The following RABGAP1L variants were observed in gnomAD, a reference collection of about 807,000 sequenced individuals.
RABGAP1L encodes rab GTPase-activating protein 1-like.
RABGAP1L carries 63 observed loss-of-function variants against 137.7 expected under a neutral mutation model. That is an observed-to-expected ratio of 0.46 (90% confidence interval 0.37 to 0.56). The LOEUF (loss-of-function observed/expected upper bound fraction) is 0.56, where lower values mean the gene tolerates loss of function less well. Ranked by LOEUF, RABGAP1L falls within the 20% of genes least tolerant of loss-of-function variation. The pLI, the probability that RABGAP1L is intolerant of heterozygous loss-of-function variation, is 0.00. For missense variants in RABGAP1L, 1,095 were observed against 1,244.0 expected, an observed-to-expected ratio of 0.88 and a Z score of 1.80; for synonymous variants, 431 against 433.7, an observed-to-expected ratio of 0.99 and a Z score of 0.08.
At chr1:174,799,860 A>G (rs1274942237) in intron 18 of RABGAP1L, 2 of 987,636 alleles carry the variant, frequency 2.0e-6, no homozygotes, top group South Asian at 4.5e-5. Context: ...CAGCTTCACA[A>G]CTGCCCTGGC....
chr1:174,378,821 T>C (rs1315084802), intron 12 of RABGAP1L, among the ~76,000 whole-genome samples: 19 of 124,276 alleles, frequency 1.5e-4, no homozygotes, highest in Non-Finnish European at 1.8e-5. Context: ...TTGGCTTTTG[T>C]TGCCATTGCT....
At chr1:174,295,569 A>G (rs1288335505) in intron 10 of RABGAP1L, among the ~76,000 whole-genome samples, 4 of 151,838 alleles carry the variant, frequency 2.6e-5, no homozygotes, top group Admixed American at 2.0e-4. Flanking sequence ...TATTTTTAGT[A>G]GAGACGGGGT....
chr1:174,554,895 A>G (rs147374676), intron 13 of RABGAP1L, among the ~76,000 whole-genome samples: 71 of 152,302 alleles, frequency 4.7e-4, no homozygotes, highest in African/African-American at 1.5e-3. Flanking sequence ...ATAAACAATG[A>G]TAATTTCCTA....
intron 11 of RABGAP1L, among the ~76,000 whole-genome samples, chr1:174,364,533 C>T (rs899945545): frequency 2.0e-5 from 3 of 151,964 alleles, no homozygotes; most frequent in Non-Finnish European, 4.4e-5. Flanking sequence ...GGATTACAGG[C>T]GTGAGCCACC....
chr1:174,770,818 C>T (rs1227264801), intron 18 of RABGAP1L, among the ~76,000 whole-genome samples: 1 of 152,036 alleles, frequency 6.6e-6, no homozygotes, highest in African/African-American at 2.4e-5. Context: ...TTGGAGAAGC[C>T]TGTGATGGTT....
chr1:174,292,356 T>TTTTTC (rs1676709584), intron 10 of RABGAP1L, among the ~76,000 whole-genome samples: 1 of 128,110 alleles, frequency 7.8e-6, no homozygotes, highest in African/African-American at 3.6e-5. Flanking sequence ...TTTTTTTTTT[T>TTTTTC]TACTGCTTTT....
intron 18 of RABGAP1L, among the ~76,000 whole-genome samples, chr1:174,810,933 T>A (rs1322686373): frequency 2.7e-5 from 4 of 145,852 alleles, no homozygotes; most frequent in African/African-American, 1.0e-4. Context: ...CATCTCTATT[T>A]AAAAAAAAAA....
chr1:174,799,259 A>G (rs961771809), intron 18 of RABGAP1L, among the ~76,000 whole-genome samples: 1 of 152,186 alleles, frequency 6.6e-6, no homozygotes, highest in Non-Finnish European at 1.5e-5. Flanking sequence ...TTGTATTTGC[A>G]TTGCAAAGAG....
intron 18 of RABGAP1L, among the ~76,000 whole-genome samples, chr1:174,782,723 A>G (rs2148768997): frequency 6.6e-6 from 1 of 152,330 alleles, no homozygotes; most frequent in South Asian, 2.1e-4. Context: ...TAGGCCGACT[A>G]AGAATTCCTA....
At chr1:174,657,571 T>C (rs1443230843) in intron 14 of RABGAP1L, among the ~76,000 whole-genome samples, 1 of 152,152 alleles carries the variant, frequency 6.6e-6, no homozygotes, top group Non-Finnish European at 1.5e-5. Flanking sequence ...AATGACAGGA[T>C]TTCATTCTTT....
intron 13 of RABGAP1L, among the ~76,000 whole-genome samples, chr1:174,398,615 TA>T (rs1648169791): frequency 6.6e-6 from 1 of 152,200 alleles, no homozygotes; most frequent in Non-Finnish European, 1.5e-5. Context: ...ATCACCCTTT[TA>T]AAGACTTTTT....
At chr1:174,383,286 G>A (rs1686369749) in intron 12 of RABGAP1L, among the ~76,000 whole-genome samples, 4 of 151,548 alleles carry the variant, frequency 2.6e-5, no homozygotes, top group African/African-American at 9.7e-5. Context: ...TACAGAGGCA[G>A]GCAGGCCTCC....
At chr1:174,534,891 G>A (rs985230063) in intron 13 of RABGAP1L, among the ~76,000 whole-genome samples, 3 of 151,584 alleles carry the variant, frequency 2.0e-5, no homozygotes, top group African/African-American at 7.3e-5. Context: ...CTTGAACATA[G>A]CACTGTGATA....
At chr1:174,783,167 G>A (rs1007355874) in intron 18 of RABGAP1L, among the ~76,000 whole-genome samples, 15 of 152,128 alleles carry the variant, frequency 9.9e-5, no homozygotes, top group African/African-American at 3.6e-4. Flanking sequence ...CTAGTGAGGC[G>A]CCCATTGCCC....
At chr1:174,595,914 C>G (rs1669855353) in intron 13 of RABGAP1L, among the ~76,000 whole-genome samples, 1 of 107,828 alleles carries the variant, frequency 9.3e-6, no homozygotes, top group South Asian at 2.9e-4. Context: ...CTTTGTTTAC[C>G]TAAGCAAGCC....
intron 5 of RABGAP1L, among the ~76,000 whole-genome samples, chr1:174,244,044 C>G (rs1219651852): frequency 4.6e-5 from 7 of 152,210 alleles, no homozygotes. Context: ...ACATCTTCCT[C>G]TCTGCCCTAC....
chr1:174,850,460 A>G (rs1422166944), intron 19 of RABGAP1L, among the ~76,000 whole-genome samples: 1 of 152,188 alleles, frequency 6.6e-6, no homozygotes, highest in African/African-American at 2.4e-5. Context: ...TTTTTCCTGT[A>G]TATCTTTTAT....
intron 19 of RABGAP1L, among the ~76,000 whole-genome samples, chr1:174,855,945 A>G (rs1649213549): frequency 6.6e-6 from 1 of 152,190 alleles, no homozygotes; most frequent in Non-Finnish European, 1.5e-5. Flanking sequence ...GTTCTCTTGA[A>G]TTTAACTGAA....
intron 19 of RABGAP1L, among the ~76,000 whole-genome samples, chr1:174,946,850 G>A (rs1160751391): frequency 1.4e-5 from 2 of 139,578 alleles, no homozygotes; most frequent in Non-Finnish European, 3.0e-5. Context: ...GCAGTGAGCC[G>A]AGATCATGCC....
Sources: gnomAD v4.1 joint callset for allele counts (sites outside exome capture counted in the v4.1 genomes callset) on GRCh38, gnomAD v4.1.1 for gene constraint, MANE v1.5 for transcripts, NCBI Gene and HGNC (gene_info 2026-07-23, HGNC 2026-07-21) for gene names.